Variants in CLIC4 observed in about 807,000 individuals in gnomAD.
The protein encoded by CLIC4 is CLIC family member 4.
A neutral mutation model predicts 24.6 loss-of-function variants in CLIC4; 13 were observed. The observed-to-expected ratio is 0.53, with a 90% CI of 0.34 to 0.84. CLIC4 has a LOEUF of 0.84. Among genes scored for constraint, CLIC4 ranks in the 40% least tolerant of loss-of-function variants. The probability of loss-of-function intolerance (pLI) is 0.01; values close to 1 mark genes in which losing one functional copy is unlikely to be tolerated. For synonymous variants in CLIC4, 104 were observed against 111.3 expected (o/e 0.93, Z 0.41); for missense variants, 227 against 301.7 (o/e 0.75, Z 1.83).
chr1:24,835,692 A>G (rs1639879728), intron 4 of CLIC4, among the ~76,000 whole-genome samples: 1 of 152,236 alleles, frequency 6.6e-6, no homozygotes, highest in African/African-American at 2.4e-5. Context: ...CAACAGTTAT[A>G]ATTAAACTTT....
chr1:24,825,036 AC>A (rs1557813769), intron 3 of CLIC4, among the ~76,000 whole-genome samples: 5 of 151,186 alleles, frequency 3.3e-5, no homozygotes, highest in Non-Finnish European at 5.9e-5. Flanking sequence ...ACACACACAC[AC>A]ACAAAAGTAC....
chr1:24,818,964 T>G (rs1259729955), intron 3 of CLIC4, among the ~76,000 whole-genome samples: 3 of 151,938 alleles, frequency 2.0e-5, no homozygotes, highest in African/African-American at 7.3e-5. Flanking sequence ...ATTATTAATA[T>G]TATATGTATA....
intron 3 of CLIC4, among the ~76,000 whole-genome samples, chr1:24,815,555 TCA>T (rs1639659401): frequency 6.6e-6 from 1 of 152,018 alleles, no homozygotes; most frequent in South Asian, 2.1e-4. Flanking sequence ...CTTCAGCGAG[TCA>T]ATCTTTTTGC....
intron 1 of CLIC4, among the ~76,000 whole-genome samples, chr1:24,774,958 C>T (rs924178123): frequency 2.0e-5 from 3 of 152,050 alleles, no homozygotes; most frequent in African/African-American, 7.2e-5. Context: ...GTAATCCCAG[C>T]TACTGGGGCA....
chr1:24,775,212 C>G, intron 1 of CLIC4, among the ~76,000 whole-genome samples: 1 of 120,514 alleles, frequency 8.3e-6, no homozygotes, highest in Non-Finnish European at 1.7e-5. Flanking sequence ...CTTTTTCTTC[C>G]TTTCTTTCTT....
Position 24,777,274 on chromosome 1 carries a change from G to A in CLIC4, c.73-20468G>A, listed in dbSNP as rs189218881. Among the ~76,000 whole-genome samples, 211 of 152,240 alleles carry A rather than the reference G, an allele frequency of 1.4e-3. 1 individual carries two copies. The highest frequency in any genetic ancestry group is 4.2e-3 in the African/African-American group (174 of 41,540). Reference sequence around the variant, plus strand: ...GAATAAATGGTTTCAGGCCAGGCACGGTGGCTCACGCCTATAATGCTAGCA... The same window carrying A: ...GAATAAATGGTTTCAGGCCAGGCACAGTGGCTCACGCCTATAATGCTAGCA... On this transcript the variant is annotated intron_variant, in intron 1 of 5. Coordinates refer to ENST00000374379, the MANE Select transcript of CLIC4 (RefSeq NM_013943.3).
intron 1 of CLIC4, among the ~76,000 whole-genome samples, chr1:24,793,992 A>G (rs1212075383): frequency 6.6e-6 from 1 of 152,196 alleles, no homozygotes; most frequent in African/African-American, 2.4e-5. Flanking sequence ...CGTCATAGTC[A>G]ACAGGCTGTG....
At chr1:24,800,315 C>G (rs1430805368) in intron 2 of CLIC4, among the ~76,000 whole-genome samples, 2 of 94,022 alleles carry the variant, frequency 2.1e-5, no homozygotes, top group Admixed American at 9.8e-5. Context: ...CCCCTCTGCC[C>G]GGCCAGCCGC....
At chr1:24,800,343 T>G (rs1571250508) in intron 2 of CLIC4, among the ~76,000 whole-genome samples, 2 of 75,342 alleles carry the variant, frequency 2.7e-5, no homozygotes, top group African/African-American at 5.4e-5. Flanking sequence ...GGGAGGGAGG[T>G]GGGGGGGTCA....
chr1:24,749,568 C>T (rs183053322), intron 1 of CLIC4, among the ~76,000 whole-genome samples: 1,742 of 152,244 alleles, frequency 0.011, 31 homozygotes, highest in South Asian at 0.036. Flanking sequence ...CCATTAACTC[C>T]CTGTCATCTA....
intron 3 of CLIC4, among the ~76,000 whole-genome samples, chr1:24,819,146 C>G (rs1639701247): frequency 6.6e-6 from 1 of 152,006 alleles, no homozygotes; most frequent in African/African-American, 2.4e-5. Flanking sequence ...TTTCTTAATT[C>G]TTTTTTTCTA....
chr1:24,789,101 CTT>C (rs1190756604), intron 1 of CLIC4, among the ~76,000 whole-genome samples: 1 of 152,194 alleles, frequency 6.6e-6, no homozygotes, highest in Admixed American at 6.5e-5. Flanking sequence ...ATTCCTCTCT[CTT>C]GTATCTTTGG....
intron 3 of CLIC4, among the ~76,000 whole-genome samples, chr1:24,817,059 C>A (rs139252070): frequency 2.6e-5 from 4 of 152,260 alleles, no homozygotes; most frequent in African/African-American, 7.2e-5. Flanking sequence ...TGAAACCAGA[C>A]GTTGACTTTT....
chr1:24,835,536 C>G (rs2124175243), intron 4 of CLIC4, among the ~76,000 whole-genome samples: 1 of 152,220 alleles, frequency 6.6e-6, no homozygotes, highest in African/African-American at 2.4e-5. Context: ...GCACTCCAGC[C>G]TGGGCGACAG....
At chr1:24,799,513 T>G (rs1639449727) in intron 2 of CLIC4, among the ~76,000 whole-genome samples, 1 of 147,152 alleles carries the variant, frequency 6.8e-6, no homozygotes, top group East Asian at 2.1e-4. Flanking sequence ...ATCTGGGAAG[T>G]GAGGAGCGTC....
At chr1:24,751,559 C>T (rs948110902) in intron 1 of CLIC4, among the ~76,000 whole-genome samples, 4 of 152,182 alleles carry the variant, frequency 2.6e-5, no homozygotes, top group African/African-American at 9.6e-5. Context: ...ACTAGTGTTT[C>T]TTCTTGGCTA....
chr1:24,836,874 T>G lies in CLIC4; in HGVS notation c.416-2986T>G, dbSNP rs1639890992. ...AAAACAAAAGCTACAGCTAGAAAGT[T>G]TCTACATGTTTGAAAATTAATTAGT... On this transcript the variant is annotated intron_variant, in intron 4 of 5. Transcript: ENST00000374379. 2.6e-5 allele frequency among the ~76,000 whole-genome samples: 4 copies of G among 152,180 alleles called. No homozygotes were observed. In the South Asian group the frequency reaches 8.3e-4, roughly 31 times the overall value.
chr1:24,798,026 T>TGAGACCAGCCTGGCC, intron 2 of CLIC4, 175 bp downstream of exon 2: 1 of 514,590 alleles, frequency 1.9e-6, no homozygotes, highest in Non-Finnish European at 3.4e-6. Flanking sequence ...GCTGTCAGTA[T>TGAGACCAGCCTGGCC]ACTGCGTGGC....
At chr1:24,790,295 C>CAA (rs1639318216) in intron 1 of CLIC4, among the ~76,000 whole-genome samples, 1 of 152,208 alleles carries the variant, frequency 6.6e-6, no homozygotes, top group African/African-American at 2.4e-5. Flanking sequence ...TGGTCTTAAA[C>CAA]GCCTGACCTC....
Sources: allele counts gnomAD v4.1 joint callset (sites outside exome capture counted in the v4.1 genomes callset), GRCh38; gene constraint gnomAD v4.1.1; transcripts MANE v1.5; gene names NCBI Gene and HGNC (gene_info 2026-07-23, HGNC 2026-07-21).